SOBP: variants seen among roughly 807,000 people sequenced by gnomAD.
The protein encoded by SOBP is sine oculis-binding protein homolog.
Under a neutral mutation model 53.6 loss-of-function variants are expected in SOBP, and 4 were observed. That is an observed-to-expected ratio of 0.07 (90% CI 0.04 to 0.17). The LOEUF is 0.17. SOBP is among the 10% of genes least tolerant of loss of function. The probability of loss-of-function intolerance (pLI) is 1.00; values close to 1 mark genes in which losing one functional copy is unlikely to be tolerated. For missense variants in SOBP, 1,088 were observed against 1,204.7 expected (o/e 0.90, Z 1.43); for synonymous variants, 584 against 522.6 (o/e 1.12, Z -1.60).
chr6:107,540,055 T>C (rs1440744047), intron 4 of SOBP, among the ~76,000 whole-genome samples: 1 of 152,238 alleles, frequency 6.6e-6, no homozygotes, highest in Non-Finnish European at 1.5e-5. Context: ...ACTCTGTTGA[T>C]TCAGTGCTTT....
intron 3 of SOBP, among the ~76,000 whole-genome samples, chr6:107,532,295 C>T (rs1052172274): frequency 6.6e-5 from 10 of 151,114 alleles, no homozygotes; most frequent in Non-Finnish European, 1.3e-4. Context: ...CACACAGTCA[C>T]TATCAATTGG....
intron 6 of SOBP, among the ~76,000 whole-genome samples, chr6:107,642,091 A>G (rs1430263356): frequency 2.0e-5 from 3 of 152,248 alleles, no homozygotes; most frequent in Non-Finnish European, 4.4e-5. Context: ...TCAGAGAAAG[A>G]AAGAAATTAG....
At chr6:107,556,119 C>G (rs1478511037) in intron 4 of SOBP, among the ~76,000 whole-genome samples, 3 of 152,148 alleles carry the variant, frequency 2.0e-5, no homozygotes, top group Non-Finnish European at 4.4e-5. Flanking sequence ...CCTGAGAATT[C>G]TGTGGCAAGT....
intron 4 of SOBP, among the ~76,000 whole-genome samples, chr6:107,567,313 T>A (rs553573819): frequency 6.6e-6 from 1 of 152,350 alleles, no homozygotes; most frequent in African/African-American, 2.4e-5. Flanking sequence ...TTAAAAATCC[T>A]TATTGAAATC....
intron 6 of SOBP, among the ~76,000 whole-genome samples, chr6:107,654,770 A>G (rs55873735): frequency 0.026 from 2,155 of 83,074 alleles, 4 homozygotes; most frequent in African/African-American, 0.085. Context: ...AGGAGGAATC[A>G]GGGCTCTGAG....
Position 107,634,592 on chromosome 6 carries a change from C to A in SOBP, c.1748C>A (p.Ser583Tyr). Residue 583 changes from serine (S) to tyrosine (Y), a missense_variant, in exon 6 of 7, where the codon TCC becomes TAC. By Grantham distance (144) the Ser-to-Tyr change is moderately radical. This residue lies in a region of SOBP where 665 missense variants were observed against 629.7 expected (regional missense o/e 1.06). Coordinates refer to ENST00000317357, the MANE Select transcript of SOBP (RefSeq NM_018013.4). This position sits in a 1 kb window ranked among gnomAD's most constrained non-coding sequence, Gnocchi z 4.5. ...AGGKPSGHSLSPRDSKQGSSK... is the reference protein window; with the variant it reads ...AGGKPSGHSLYPRDSKQGSSK... ...GGCAAGCCAAGCGGACACTCCCTGTCCCCCCGGGACTCCAAGCAGGGCTCG... is the reference window on the plus strand; with the variant it reads ...GGCAAGCCAAGCGGACACTCCCTGTACCCCCGGGACTCCAAGCAGGGCTCG... 1 of 1,601,904 alleles carries A rather than the reference C, an allele frequency of 6.2e-7. No homozygotes were observed. The highest frequency in any genetic ancestry group is 8.5e-7 in the Non-Finnish European group (1 of 1,179,194).
At chr6:107,542,314 G>A (rs1217042733) in intron 4 of SOBP, among the ~76,000 whole-genome samples, 2 of 152,120 alleles carry the variant, frequency 1.3e-5, no homozygotes, top group African/African-American at 4.8e-5. Context: ...TGTGGAGAAG[G>A]GGGAGTAAGT....
chr6:107,627,125 A>G (rs72945673), intron 5 of SOBP, among the ~76,000 whole-genome samples: 359 of 152,336 alleles, frequency 2.4e-3, no homozygotes, highest in Non-Finnish European at 3.5e-3. Context: ...TGTAAGTTGC[A>G]TTCATCCACC....
At chr6:107,655,568 A>G (rs1583317661) in intron 6 of SOBP, among the ~76,000 whole-genome samples, 2 of 152,328 alleles carry the variant, frequency 1.3e-5, no homozygotes, top group Middle Eastern at 6.8e-3. Context: ...AGCTTTTCAG[A>G]GCAGCAGGAC....
At chr6:107,572,702 G>A (rs1785108822) in intron 4 of SOBP, among the ~76,000 whole-genome samples, 1 of 152,180 alleles carries the variant, frequency 6.6e-6, no homozygotes, top group African/African-American at 2.4e-5. Flanking sequence ...TCTTTGGTGA[G>A]GTTACTCAGT....
intron 1 of SOBP, among the ~76,000 whole-genome samples, chr6:107,500,398 A>G (rs796628870): frequency 5.3e-5 from 8 of 152,086 alleles, no homozygotes; most frequent in African/African-American, 1.9e-4. Flanking sequence ...AAAAAAAGGA[A>G]AAGGAAAAAG....
chr6:107,630,724 GACAC>G lies in SOBP; in HGVS notation c.670-2771_670-2768del, dbSNP rs36145877. On this transcript the variant is annotated intron_variant, in intron 5 of 6. Coordinates refer to ENST00000317357, the MANE Select transcript of SOBP (RefSeq NM_018013.4). ...CTGAATTGAAATTTAATAAGGCAAG[GACAC>G]ACACACACACACACACACTCTGTCT... Among the ~76,000 whole-genome samples the G allele has an allele frequency of 3.8e-4, 57 of 148,486 alleles. No individual in the cohort carries two copies. The East Asian group carries it at 6.2e-3, about 16-fold the overall frequency.
rs771434542 is a variant in SOBP, at chr6:107,634,571, A to G, written c.1727A>G (p.Lys576Arg). 1.9e-5 allele frequency: 30 copies of G among 1,605,380 alleles called. No individual in the cohort carries two copies. In the African/African-American group the frequency reaches 3.3e-4, roughly 18 times the overall value. Residue 576 changes from lysine to arginine, a missense_variant, in exon 6 of 7, where the codon AAG becomes AGG. Physicochemically the swap from Lys to Arg is conservative, Grantham distance 26. This residue lies in a region of SOBP where 665 missense variants were observed against 629.7 expected (regional missense o/e 1.06). Coordinates refer to ENST00000317357, the MANE Select transcript of SOBP (RefSeq NM_018013.4). The surrounding 1 kb of genome is among the most constrained non-coding windows in gnomAD (Gnocchi z 4.5). ...GGCGACTCCGCGGCGGCGGGCGGCA[A>G]GCCAAGCGGACACTCCCTGTCCCCC... is the stretch of plus-strand genomic sequence containing the variant. ...APGDSAAAGGKPSGHSLSPRD... is the reference protein window; with the variant it reads ...APGDSAAAGGRPSGHSLSPRD...
chr6:107,610,325 T>C (rs966285925), intron 5 of SOBP, among the ~76,000 whole-genome samples: 4 of 152,174 alleles, frequency 2.6e-5, no homozygotes, highest in African/African-American at 7.2e-5. Context: ...GACTGTCTCC[T>C]GTAAGACGTT....
At chr6:107,582,706 CTG>C (rs1310181175) in intron 4 of SOBP, among the ~76,000 whole-genome samples, 2 of 152,210 alleles carry the variant, frequency 1.3e-5, no homozygotes, top group African/African-American at 2.4e-5. Flanking sequence ...CAGAATAAAA[CTG>C]TTGAAAATAA....
At chr6:107,512,803 C>G (rs1783209480) in intron 3 of SOBP, among the ~76,000 whole-genome samples, 1 of 152,118 alleles carries the variant, frequency 6.6e-6, no homozygotes, top group African/African-American at 2.4e-5. Context: ...AATGAAGCAA[C>G]TTTTTCTAGT....
chr6:107,544,779 A>G lies in SOBP; in HGVS notation c.573+11169A>G, dbSNP rs561174484. 2.0e-5 allele frequency among the ~76,000 whole-genome samples: 3 copies of G among 151,798 alleles called. No homozygotes were observed. The South Asian group carries it at 6.3e-4, about 32-fold the overall frequency. Reference sequence around the variant, plus strand: ...GAACAAACAAATATTCCCTGGAATGATAACCCCATTTATCCATTTGTTTGC... The same window carrying G: ...GAACAAACAAATATTCCCTGGAATGGTAACCCCATTTATCCATTTGTTTGC... On this transcript the variant is annotated intron_variant, in intron 4 of 6. Coordinates refer to ENST00000317357, the MANE Select transcript of SOBP (RefSeq NM_018013.4).
chr6:107,544,542 CAGA>C (rs1303894135), intron 4 of SOBP, among the ~76,000 whole-genome samples: 2 of 152,164 alleles, frequency 1.3e-5, no homozygotes, highest in African/African-American at 4.8e-5. Flanking sequence ...GTTGACTTGT[CAGA>C]AGATCTTGAA....
chr6:107,512,972 A>C (rs1443311859), intron 3 of SOBP, among the ~76,000 whole-genome samples: 1 of 152,214 alleles, frequency 6.6e-6, no homozygotes, highest in East Asian at 1.9e-4. Context: ...AATGTGAAAA[A>C]AAGAGGGAAT....
Sources: gnomAD v4.1 joint callset for allele counts (sites outside exome capture counted in the v4.1 genomes callset) on GRCh38, gnomAD v4.1.1 for gene constraint, gnomAD v4.1.1 regional missense constraint, Gnocchi (gnomAD v3.1) non-coding constraint, MANE v1.5 for transcripts, NCBI Gene and HGNC (gene_info 2026-07-23, HGNC 2026-07-21) for gene names.